FANCC: variants seen among roughly 807,000 people sequenced by gnomAD.
The protein encoded by FANCC is FA complementation group C, also known as Fanconi anemia group C protein.
A neutral mutation model predicts 71.3 loss-of-function variants in FANCC; 55 were observed. The ratio of observed to expected loss-of-function variants is 0.77; its 90% CI spans 0.62 to 0.97. The LOEUF (loss-of-function observed/expected upper bound fraction) is 0.97. Among genes scored for constraint, FANCC ranks in the 50% least tolerant of loss-of-function variants. The pLI, the probability that FANCC is intolerant of heterozygous loss-of-function variation, is 0.00. For missense variants in FANCC, 678 were observed against 670.9 expected (o/e 1.01, Z -0.12); for synonymous variants, 275 against 244.9 (o/e 1.12, Z -1.15).
intron 6 of FANCC, among the ~76,000 whole-genome samples, chr9:95,163,495 A>C (rs1830873332): frequency 6.6e-6 from 1 of 152,206 alleles, no homozygotes. Flanking sequence ...AACGCCACTG[A>C]CATTTTGATA....
chr9:95,228,668 AAG>A (rs935058362), intron 4 of FANCC, among the ~76,000 whole-genome samples: 3 of 152,190 alleles, frequency 2.0e-5, no homozygotes, highest in Non-Finnish European at 4.4e-5. Context: ...CGTGCAAGCG[AAG>A]AGAGTGAGGG....
chr9:95,231,923 G>C (rs1483634043), intron 4 of FANCC, among the ~76,000 whole-genome samples: 1 of 152,206 alleles, frequency 6.6e-6, no homozygotes, highest in Admixed American at 6.5e-5. Flanking sequence ...GACTGTGTTA[G>C]TCCATTCTCG....
At chr9:95,291,641 A>C (rs1020404324) in intron 1 of FANCC, among the ~76,000 whole-genome samples, 1 of 152,136 alleles carries the variant, frequency 6.6e-6, no homozygotes, top group African/African-American at 2.4e-5. Context: ...CGTATCTTTT[A>C]AAAGTCCGTT....
At chr9:95,290,686 G>A (rs1374175766) in intron 1 of FANCC, among the ~76,000 whole-genome samples, 1 of 152,182 alleles carries the variant, frequency 6.6e-6, no homozygotes, top group Non-Finnish European at 1.5e-5. Flanking sequence ...TAAAGGCAAA[G>A]AGGAAGTCCT....
Position 95,107,152 on chromosome 9 carries a change from C to G in FANCC, c.1447G>C (p.Ala483Pro). The change falls in exon 14 of 15, where the codon GCA (alanine) becomes CCA (proline). Residue 483 changes from alanine (A) to proline (P), a missense_variant. Transcript: ENST00000289081. The part of the protein sequence containing the change: ...QGTDTDLRAP[A>P]QQLIRHLLLN... ...AGAAGGTGCCTGATCAGCTGTTGTGCAGGAGCTCTGAGGTCTGTGTCTGTG... is the reference window on the plus strand; with the variant it reads ...AGAAGGTGCCTGATCAGCTGTTGTGGAGGAGCTCTGAGGTCTGTGTCTGTG... The G allele has an allele frequency of 6.2e-7, 1 of 1,614,222 alleles. No individual in the cohort carries two copies.
chr9:95,244,678 C>CAAAAAAAAA (rs576605250), intron 3 of FANCC, among the ~76,000 whole-genome samples: 2 of 41,570 alleles, frequency 4.8e-5, no homozygotes, highest in African/African-American at 9.9e-5. Flanking sequence ...GACTTTGTCT[C>CAAAAAAAAA]AAAAAAAAAA....
chr9:95,152,414 A>T (rs998174592), intron 6 of FANCC, among the ~76,000 whole-genome samples: 1 of 152,222 alleles, frequency 6.6e-6, no homozygotes, highest in African/African-American at 2.4e-5. Flanking sequence ...GCACGTATAT[A>T]TCTGGGAAGA....
In FANCC at chr9:95,111,488, C is replaced by T; in HGVS notation, c.1304G>A (p.Gly435Glu). Residue 435 changes from glycine (G) to glutamate (E), a missense_variant, in exon 13 of 15, where the codon GGG becomes GAG. Gly to Glu is a moderately conservative substitution (Grantham distance 98). Coordinates refer to ENST00000289081, the MANE Select transcript of FANCC (RefSeq NM_000136.3). ...LLAFYYGPRD[G>E]RQQRAQTMVQ... Reference sequence around the variant, plus strand: ...CATAGTCTGTGCTCTCTGCTGCCTCCCATCACGGGGGCCGTAGTAGAAGGC... The same window carrying T: ...CATAGTCTGTGCTCTCTGCTGCCTCTCATCACGGGGGCCGTAGTAGAAGGC... 6.2e-7 allele frequency: 1 copy of T among 1,613,858 alleles called. No homozygotes were observed. Among genetic ancestry groups the T allele is most frequent in the Non-Finnish European group, 8.5e-7 (1 of 1,180,026 alleles).
intron 1 of FANCC, among the ~76,000 whole-genome samples, chr9:95,289,624 G>GT (rs899713616): frequency 2.0e-5 from 3 of 152,082 alleles, no homozygotes; most frequent in Non-Finnish European, 4.4e-5. Flanking sequence ...TTAAAAATTT[G>GT]TTTTAGTTTT....
intron 3 of FANCC, among the ~76,000 whole-genome samples, chr9:95,244,697 A>C (rs1318084821): frequency 6.7e-6 from 1 of 148,650 alleles, no homozygotes; most frequent in African/African-American, 2.5e-5. Flanking sequence ...AAAAAAAAAA[A>C]AAAAAAAAAA....
At chr9:95,118,284 G>A (rs2072591589) in intron 10 of FANCC, among the ~76,000 whole-genome samples, 1 of 152,200 alleles carries the variant, frequency 6.6e-6, no homozygotes, top group South Asian at 2.1e-4. Context: ...CTCCCAAAGT[G>A]CTGGGGTTAT....
At chr9:95,163,527 G>T (rs1830875054) in intron 6 of FANCC, among the ~76,000 whole-genome samples, 1 of 152,186 alleles carries the variant, frequency 6.6e-6, no homozygotes, top group African/African-American at 2.4e-5. Context: ...GGAACCTGAA[G>T]ATTGCTTTGG....
chr9:95,162,759 CT>C (rs1255309830), intron 6 of FANCC, among the ~76,000 whole-genome samples: 3 of 152,132 alleles, frequency 2.0e-5, no homozygotes, highest in Non-Finnish European at 4.4e-5. Context: ...TGTATATATT[CT>C]TTGGAGAAAT....
intron 1 of FANCC, among the ~76,000 whole-genome samples, chr9:95,270,962 C>G (rs79176576): frequency 0.011 from 1,723 of 152,252 alleles, 32 homozygotes; most frequent in African/African-American, 0.039. Context: ...CTCCACCCTC[C>G]CCCTTCTTAA....
intron 1 of FANCC, 183 bp downstream of exon 1, chr9:95,317,343 T>A (rs1168434050): frequency 8.1e-6 from 1 of 123,518 alleles, no homozygotes; most frequent in Non-Finnish European, 1.6e-5. Flanking sequence ...CGCCTCAGCC[T>A]TAGCCACAGC....
At chr9:95,110,197 AGATGT>A in intron 13 of FANCC, 1 of 959,212 alleles carries the variant, frequency 1.0e-6, no homozygotes, top group Non-Finnish European at 1.3e-6. Context: ...AGCTAGTAGA[AGATGT>A]GCCAATGTAG....
At chr9:95,276,751 G>A (rs1833063951) in intron 1 of FANCC, among the ~76,000 whole-genome samples, 1 of 152,198 alleles carries the variant, frequency 6.6e-6, no homozygotes, top group African/African-American at 2.4e-5. Flanking sequence ...TCATCAACCA[G>A]TACAAAGTTA....
chr9:95,180,594 C>T (rs773353347), intron 4 of FANCC, among the ~76,000 whole-genome samples: 1 of 151,658 alleles, frequency 6.6e-6, no homozygotes, highest in Admixed American at 6.6e-5. Flanking sequence ...CTGCCTTGGT[C>T]TCCCAAAGCA....
intron 4 of FANCC, among the ~76,000 whole-genome samples, chr9:95,223,465 T>C (rs1829410966): frequency 6.6e-6 from 1 of 152,222 alleles, no homozygotes; most frequent in African/African-American, 2.4e-5. Context: ...CTTAATCCAG[T>C]ATGACTTCAT....
Sources: gnomAD v4.1 joint callset for allele counts (sites outside exome capture counted in the v4.1 genomes callset) on GRCh38, gnomAD v4.1.1 for gene constraint, MANE v1.5 for transcripts, NCBI Gene and HGNC (gene_info 2026-07-23, HGNC 2026-07-21) for gene names.